The following NKIRAS1 variants were observed in gnomAD, a reference collection of about 807,000 sequenced individuals.
The protein encoded by NKIRAS1 is NFKB inhibitor interacting Ras like 1.
Under a neutral mutation model 19.8 loss-of-function variants are expected in NKIRAS1, and 16 were observed. The ratio of observed to expected loss-of-function variants is 0.81; its 90% confidence interval spans 0.55 to 1.23. The LOEUF is 1.23. Ranked by LOEUF, NKIRAS1 falls within the 50% of genes most tolerant of loss-of-function variation. The pLI is 0.00. For missense variants in NKIRAS1, 184 were observed against 220.0 expected (o/e 0.84, Z 1.04); for synonymous variants, 88 against 79.0 (o/e 1.11, Z -0.61).
chr3:23,916,169 A>G (rs950075276), intron 1 of NKIRAS1: 5 of 152,230 alleles, frequency 3.3e-5, no homozygotes, highest in African/African-American at 1.2e-4. Context: ...AACCGCTACG[A>G]TTAAGAGATA....
At chr3:23,915,097 CG>C (rs1704196537) in intron 1 of NKIRAS1, among the ~76,000 whole-genome samples, 2 of 152,062 alleles carry the variant, frequency 1.3e-5, no homozygotes, top group South Asian at 2.1e-4. Context: ...AAGAATTTTG[CG>C]GGGGTGATTA....
At chr3:23,932,706 A>AAG (rs1553646488) in intron 1 of NKIRAS1, among the ~76,000 whole-genome samples, 13 of 147,796 alleles carry the variant, frequency 8.8e-5, no homozygotes, top group Admixed American at 1.4e-4. Flanking sequence ...AAAAAAAAAA[A>AAG]AAGTAACTTC....
chr3:23,894,135 A>T (rs567248801), intron 4 of NKIRAS1, among the ~76,000 whole-genome samples: 1 of 152,354 alleles, frequency 6.6e-6, no homozygotes, highest in Admixed American at 6.5e-5. Context: ...GCCAATAGGA[A>T]CATTTTACAC....
intron 1 of NKIRAS1, among the ~76,000 whole-genome samples, chr3:23,944,367 A>G (rs1705570528): frequency 6.6e-6 from 1 of 152,196 alleles, no homozygotes; most frequent in African/African-American, 2.4e-5. Flanking sequence ...TTTACAAGCA[A>G]CACCCATATC....
At chr3:23,893,700 G>A (rs540941610) in intron 4 of NKIRAS1, among the ~76,000 whole-genome samples, 3 of 151,586 alleles carry the variant, frequency 2.0e-5, no homozygotes, top group South Asian at 2.1e-4. Flanking sequence ...GGGAGGCTGC[G>A]GCAGGAGAAT....
rs944158655 is a variant in NKIRAS1 at position 23,922,070 on chromosome 3, CTT to C, written c.-139-10622_-139-10621del. Reference sequence around the variant, plus strand: ...GTGGCTCACGCCTGCAATCCCAACACTTTCGGTAACCAAGGTGGGCTTGAGCT... The same window carrying C: ...GTGGCTCACGCCTGCAATCCCAACACTCGGTAACCAAGGTGGGCTTGAGCT... On this transcript the variant is annotated intron_variant, in intron 1 of 4. Coordinates refer to the NKIRAS1 transcript ENST00000421515. The surrounding 1 kb of genome is among the most constrained non-coding windows in gnomAD (Gnocchi z 4.2). 15 of 155,708 alleles carry C rather than the reference CTT, an allele frequency of 9.6e-5. No individual in the cohort carries two copies. The highest frequency in any genetic ancestry group is 1.6e-4 in the Non-Finnish European group (11 of 70,342). The allele number at this position is 155,708 out of a possible 1,614,324, so 9.6% of individuals were successfully genotyped here. A position where few individuals can be genotyped will look rare whatever the true frequency, so the allele number is the denominator to read the frequency against.
At chr3:23,919,260 C>G, upstream of NKIRAS1, 2 of 1,612,872 alleles carry the variant, frequency 1.2e-6, no homozygotes, top group South Asian at 1.1e-5. Flanking sequence ...GGTGAAGATT[C>G]CACATACAAA....
chr3:23,918,904 GAT>G, upstream of NKIRAS1: 1 of 518,886 alleles, frequency 1.9e-6, no homozygotes, highest in Non-Finnish European at 3.4e-6. Flanking sequence ...TATGGAAAAA[GAT>G]AAGGTCCCCA....
intron 3 of NKIRAS1, among the ~76,000 whole-genome samples, chr3:23,909,973 C>G (rs375368684): frequency 1.9e-4 from 29 of 151,430 alleles, no homozygotes; most frequent in East Asian, 1.6e-3. Context: ...ATTCTCCTAC[C>G]TCAACCTCCT....
chr3:23,890,479 TCCAAAGTA>T lies in NKIRAS1; in HGVS notation c.*2608_*2615del, dbSNP rs770727858. 1 of 1,599,130 alleles carries T rather than the reference TCCAAAGTA, an allele frequency of 6.3e-7. No homozygotes were observed. The highest frequency in any genetic ancestry group is 8.5e-7 in the Non-Finnish European group (1 of 1,173,108). On this transcript the variant is annotated 3_prime_UTR_variant, in exon 5 of 5. Coordinates refer to ENST00000425478, the MANE Select transcript of NKIRAS1 (RefSeq NM_020345.4). ...AAGTTTAAAATGTTCTTTTCCTTTC[TCCAAAGTA>T]ATCTACATTCTTTTCTTCCAGCCGA...
chr3:23,933,653 T>G (rs1166701436), intron 1 of NKIRAS1, among the ~76,000 whole-genome samples: 1 of 152,200 alleles, frequency 6.6e-6, no homozygotes, highest in Non-Finnish European at 1.5e-5. Context: ...TCCCCACTTT[T>G]TTTTTGGTCC....
chr3:23,944,372 C>G (rs1705570797), intron 1 of NKIRAS1, among the ~76,000 whole-genome samples: 3 of 152,162 alleles, frequency 2.0e-5, no homozygotes, highest in Admixed American at 6.5e-5. Context: ...AAGCAACACC[C>G]ATATCCCCAT....
chr3:23,944,840 G>T (rs373713127), intron 1 of NKIRAS1, among the ~76,000 whole-genome samples: 1 of 151,570 alleles, frequency 6.6e-6, no homozygotes, highest in African/African-American at 2.4e-5. Flanking sequence ...GGGAGCGGGG[G>T]GTGGGGGTGG....
At chr3:23,917,997 T>G (rs778175191), upstream of NKIRAS1, 14 of 1,610,888 alleles carry the variant, frequency 8.7e-6, no homozygotes, top group South Asian at 1.1e-5. Flanking sequence ...CCCGGCCTGA[T>G]AAAGCGCGCC....
Position 23,909,854 on chromosome 3 carries a change from GTTT to G in NKIRAS1, c.94+954_94+956del, listed in dbSNP as rs899380466. Among the ~76,000 whole-genome samples the G allele has an allele frequency of 3.0e-5, 4 of 133,478 alleles. No individual in the cohort carries two copies. In the East Asian group the frequency reaches 9.0e-4, roughly 30 times the overall value. 87.6% of individuals were successfully genotyped at this position (133,478 alleles called of 152,430 possible). Reference sequence around the variant, plus strand: ...ACAGCAGCTCTGCAAAGTTGTTTTTGTTTTTTTTTGTTTTTTTTTTTTTGAGAT... The same window carrying G: ...ACAGCAGCTCTGCAAAGTTGTTTTTGTTTTTTGTTTTTTTTTTTTTGAGAT... On this transcript the variant is annotated intron_variant, in intron 3 of 4. Transcript: ENST00000425478.
chr3:23,946,030 GGC>G (rs561849691), intron 1 of NKIRAS1: 2,565 of 835,130 alleles, frequency 3.1e-3, no homozygotes, highest in Middle Eastern at 5.4e-3. Flanking sequence ...TGGGGGCGGG[GGC>G]GCGCGCGCGC....
chr3:23,931,607 AC>A (rs1464814830), intron 1 of NKIRAS1, among the ~76,000 whole-genome samples: 8 of 151,064 alleles, frequency 5.3e-5, no homozygotes, highest in Admixed American at 2.6e-4. Flanking sequence ...CCACCTTCCC[AC>A]CCCCAGAGGT....
intron 1 of NKIRAS1, among the ~76,000 whole-genome samples, chr3:23,943,100 A>G (rs1027162993): frequency 3.9e-5 from 6 of 152,130 alleles, no homozygotes; most frequent in African/African-American, 1.4e-4. Flanking sequence ...ACAAATGTGT[A>G]AAAACATATA....
intron 4 of NKIRAS1, among the ~76,000 whole-genome samples, chr3:23,900,334 G>A (rs887202196): frequency 2.0e-5 from 3 of 151,702 alleles, no homozygotes; most frequent in Non-Finnish European, 4.4e-5. Flanking sequence ...GTATTTCTTG[G>A]GTTAAGAAAA....
Sources: gnomAD v4.1 joint callset for allele counts (sites outside exome capture counted in the v4.1 genomes callset) on GRCh38, gnomAD v4.1.1 for gene constraint, Gnocchi (gnomAD v3.1) non-coding constraint, MANE v1.5 for transcripts, NCBI Gene and HGNC (gene_info 2026-07-23, HGNC 2026-07-21) for gene names.